Variants in ZFAND3 observed in about 807,000 individuals in gnomAD.
ZFAND3 encodes the protein AN1-type zinc finger protein 3.
In ZFAND3, 10 loss-of-function variants were observed where a neutral mutation model predicts 29.6. The ratio of observed to expected loss-of-function variants is 0.34; its 90% CI spans 0.21 to 0.57. ZFAND3 has a LOEUF of 0.57. ZFAND3 is among the 20% of genes least tolerant of loss of function. The probability of loss-of-function intolerance (pLI) is 0.86; values close to 1 mark genes in which losing one functional copy is unlikely to be tolerated. For synonymous variants in ZFAND3, 128 were observed against 112.6 expected, an observed-to-expected ratio of 1.14 and a Z score of -0.87; for missense variants, 230 against 304.5, an observed-to-expected ratio of 0.76 and a Z score of 1.82.
rs183681244 is a variant in ZFAND3, at chr6:37,927,442, G to A, written c.72-2517G>A. 4.5e-3 allele frequency among the ~76,000 whole-genome samples: 679 copies of A among 152,332 alleles called. 2 individuals are homozygous for A. Among genetic ancestry groups the A allele is most frequent in the Non-Finnish European group, 8.0e-3 (541 of 68,036 alleles). ...AGGGAATTCTGGCCCCTTCAGAGAA[G>A]TTGAGTGGAGATGAGAGGGGAGGGG... On this transcript the variant is annotated intron_variant, in intron 1 of 5. Transcript: ENST00000287218.
At chr6:38,129,848 C>G (rs1765710096) in intron 5 of ZFAND3, among the ~76,000 whole-genome samples, 1 of 149,360 alleles carries the variant, frequency 6.7e-6, no homozygotes, top group Non-Finnish European at 1.5e-5. Context: ...TTTTCTAGTT[C>G]TGTGAAGAAT....
At chr6:38,144,186 T>TATATA (rs1435693706) in intron 5 of ZFAND3, among the ~76,000 whole-genome samples, 2 of 19,694 alleles carry the variant, frequency 1.0e-4, no homozygotes, top group Admixed American at 3.6e-4. Flanking sequence ...ATATATATAA[T>TATATA]ATATATATAT....
chr6:38,112,056 A>G (rs1765331262), intron 4 of ZFAND3, among the ~76,000 whole-genome samples: 1 of 152,228 alleles, frequency 6.6e-6, no homozygotes, highest in Admixed American at 6.5e-5. Context: ...AGAAAGCTAA[A>G]TAGGCAAAAT....
intron 1 of ZFAND3, among the ~76,000 whole-genome samples, chr6:37,909,146 A>G (rs1765471802): frequency 6.6e-6 from 1 of 152,066 alleles, no homozygotes; most frequent in African/African-American, 2.4e-5. Context: ...GTTGCTTTTG[A>G]TTTTACATTG....
chr6:38,043,462 C>T (rs1362094542), intron 2 of ZFAND3, among the ~76,000 whole-genome samples: 1 of 148,806 alleles, frequency 6.7e-6, no homozygotes, highest in African/African-American at 2.5e-5. Context: ...TCTCTTCTCT[C>T]CCCTCCACCT....
At chr6:37,820,416 G>C (rs1763643671) in intron 1 of ZFAND3, among the ~76,000 whole-genome samples, 1 of 152,196 alleles carries the variant, frequency 6.6e-6, no homozygotes. Flanking sequence ...TTGGTGCCCA[G>C]GCACTAGGAG....
At chr6:37,884,845 A>G (rs1764961412) in intron 1 of ZFAND3, among the ~76,000 whole-genome samples, 1 of 152,234 alleles carries the variant, frequency 6.6e-6, no homozygotes, top group Non-Finnish European at 1.5e-5. Flanking sequence ...CAGTCACTCT[A>G]GCCCTTGCCA....
At chr6:38,127,694 CTTTT>C (rs111308066) in intron 5 of ZFAND3, among the ~76,000 whole-genome samples, 1 of 143,018 alleles carries the variant, frequency 7.0e-6, no homozygotes. Context: ...AGTCTCATCT[CTTTT>C]TTTTTTTTTT....
At chr6:37,969,471 T>C (rs1762348113) in intron 2 of ZFAND3, among the ~76,000 whole-genome samples, 1 of 152,228 alleles carries the variant, frequency 6.6e-6, no homozygotes, top group Non-Finnish European at 1.5e-5. Flanking sequence ...GCAAAAATCA[T>C]GTAACAGAAA....
chr6:37,836,667 A>G (rs1180183029), intron 1 of ZFAND3, among the ~76,000 whole-genome samples: 1 of 152,192 alleles, frequency 6.6e-6, no homozygotes, highest in Non-Finnish European at 1.5e-5. Flanking sequence ...TCCTATGTGT[A>G]CCAGAAATGA....
chr6:38,093,731 T>G (rs889687698), intron 4 of ZFAND3, among the ~76,000 whole-genome samples: 2 of 152,068 alleles, frequency 1.3e-5, no homozygotes, highest in Non-Finnish European at 2.9e-5. Context: ...AACGAAAGCC[T>G]GAAATCATTA....
rs1400400957 is a variant in ZFAND3 at position 38,092,502 on chromosome 6, ATGT to A, written c.361+10049_361+10051del. Among the ~76,000 whole-genome samples the A allele has an allele frequency of 3.3e-5, 5 of 152,316 alleles. No homozygotes were observed. In the East Asian group the frequency reaches 7.7e-4, roughly 23 times the overall value. On this transcript the variant is annotated intron_variant, in intron 4 of 5. Coordinates refer to ENST00000287218, the MANE Select transcript of ZFAND3 (RefSeq NM_021943.3). ...ATCATTAGGAGCAAATATAGTACTA[ATGT>A]TGTATTTTTCTTTTCAAGAATTATC...
intron 2 of ZFAND3, among the ~76,000 whole-genome samples, chr6:37,988,582 A>G (rs1340522898): frequency 1.3e-5 from 2 of 152,178 alleles, no homozygotes; most frequent in African/African-American, 4.8e-5. Context: ...GTTTTGCAAA[A>G]TTAAAATATA....
intron 3 of ZFAND3, 92 bp downstream of exon 3, chr6:38,061,867 A>G: frequency 3.5e-6 from 5 of 1,422,040 alleles, no homozygotes; most frequent in Non-Finnish European, 4.7e-6. Context: ...AAAAAACAGC[A>G]CTTCTTTTAA....
At chr6:38,010,861 A>T (rs1013235515) in intron 2 of ZFAND3, among the ~76,000 whole-genome samples, 1 of 150,602 alleles carries the variant, frequency 6.6e-6, no homozygotes, top group African/African-American at 2.4e-5. Context: ...TCGGCCTCCC[A>T]AAGTGCTGGG....
intron 2 of ZFAND3, among the ~76,000 whole-genome samples, chr6:37,930,634 G>A (rs1012990581): frequency 1.3e-5 from 2 of 152,094 alleles, no homozygotes; most frequent in African/African-American, 4.8e-5. Flanking sequence ...AAGGACTTGG[G>A]CTTGACATGT....
intron 4 of ZFAND3, among the ~76,000 whole-genome samples, chr6:38,094,580 G>A (rs1284037528): frequency 3.9e-5 from 6 of 152,116 alleles, no homozygotes; most frequent in Non-Finnish European, 7.4e-5. Context: ...TTTTTGAGAT[G>A]TCAACTGGCA....
At chr6:38,147,676 A>T (rs1470880594) in intron 5 of ZFAND3, among the ~76,000 whole-genome samples, 2 of 152,164 alleles carry the variant, frequency 1.3e-5, no homozygotes, top group Non-Finnish European at 2.9e-5. Context: ...AGCCATACTG[A>T]CTGGGGTAAG....
At chr6:38,112,026 G>A (rs906400467) in intron 4 of ZFAND3, among the ~76,000 whole-genome samples, 1 of 152,148 alleles carries the variant, frequency 6.6e-6, no homozygotes, top group African/African-American at 2.4e-5. Context: ...CGAAAATTAA[G>A]CGCAGTTACT....
Sources: allele counts gnomAD v4.1 joint callset (sites outside exome capture counted in the v4.1 genomes callset), GRCh38; gene constraint gnomAD v4.1.1; transcripts MANE v1.5; gene names NCBI Gene and HGNC (gene_info 2026-07-23, HGNC 2026-07-21).